The following TTI1 variants were observed in gnomAD, a reference collection of about 807,000 sequenced individuals.
The protein encoded by TTI1 is TELO2-interacting protein 1 homolog.
In TTI1, 52 loss-of-function variants were observed where a neutral mutation model predicts 85.4. That is an observed-to-expected ratio of 0.61 (90% CI 0.49 to 0.77). The LOEUF (loss-of-function observed/expected upper bound fraction) is 0.77, where lower values mean the gene tolerates loss of function less well. TTI1 is among the 30% of genes least tolerant of loss of function. TTI1 has a pLI of 0.00. For synonymous variants in TTI1, 512 were observed against 503.9 expected (o/e 1.02, Z -0.22); for missense variants, 1,173 against 1,296.0 (o/e 0.91, Z 1.46).
chr20:37,996,939 C>T lies in TTI1; in HGVS notation c.2808G>A (p.Leu936=), dbSNP rs746334013. 1 of 1,613,830 alleles carries T rather than the reference C, an allele frequency of 6.2e-7. No individual in the cohort carries two copies. Among genetic ancestry groups the T allele is most frequent in the East Asian group, 2.2e-5 (1 of 44,864 alleles). Residue 936 remains leucine, a synonymous_variant, in exon 6 of 8, where the codon CTG becomes CTA. Transcript: ENST00000373447. ...GAAGAAAGTCACCACACTTGCTTCCCAGGGTACGTAAAACCTGCAGAAACA... is the reference window on the plus strand; with the variant it reads ...GAAGAAAGTCACCACACTTGCTTCCTAGGGTACGTAAAACCTGCAGAAACA... The part of the protein sequence containing the change: ...VLRAFKVLRT[L]GSKCGDFLRS...
At chr20:37,984,163 TTGG>T (rs2073160161) in intron 7 of TTI1, among the ~76,000 whole-genome samples, 2 of 152,210 alleles carry the variant, frequency 1.3e-5, no homozygotes, top group African/African-American at 2.4e-5. Flanking sequence ...CCATGGATAC[TTGG>T]TGGTGTGAAC....
chr20:37,999,318 A>G lies in TTI1; in HGVS notation c.2663T>C (p.Val888Ala). ...AAGAACAACCACACACAGATCCAGCACATCCAAGACCTGAAAGAGACACGA... is the reference window on the plus strand; with the variant it reads ...AAGAACAACCACACACAGATCCAGCGCATCCAAGACCTGAAAGAGACACGA... ...NLQIRLKVLD[V>A]LDLCVVVLQS... Residue 888 changes from valine to alanine, a missense_variant, in exon 5 of 8, where the codon GTG becomes GCG. Val to Ala is a moderately conservative substitution (Grantham distance 64). Coordinates refer to ENST00000373447, the MANE Select transcript of TTI1 (RefSeq NM_001303457.2). The G allele has an allele frequency of 7.0e-7, 1 of 1,438,100 alleles. No homozygotes were observed. Among genetic ancestry groups the G allele is most frequent in the Non-Finnish European group, 9.2e-7 (1 of 1,087,724 alleles). The allele number at this position is 1,438,100 out of a possible 1,614,324, so 89.1% of individuals were successfully genotyped here. A position where few individuals can be genotyped will look rare whatever the true frequency, so the allele number is the denominator to read the frequency against.
At chr20:37,987,678 T>TAA (rs1302486942) in intron 7 of TTI1, among the ~76,000 whole-genome samples, 2 of 152,200 alleles carry the variant, frequency 1.3e-5, no homozygotes, top group Admixed American at 1.3e-4. Context: ...AACTTGACTT[T>TAA]AAAAAATTTA....
chr20:38,001,509 T>C (rs566011797), intron 4 of TTI1, among the ~76,000 whole-genome samples: 1 of 152,166 alleles, frequency 6.6e-6, no homozygotes, highest in Non-Finnish European at 1.5e-5. Flanking sequence ...GGCACCTACA[T>C]TAAAGCCGTG....
intron 1 of TTI1, among the ~76,000 whole-genome samples, chr20:38,014,409 A>C (rs1012135633): frequency 3.9e-5 from 6 of 152,086 alleles, no homozygotes; most frequent in African/African-American, 1.4e-4. Context: ...TTCCTATTTC[A>C]CCTGCCTGGA....
rs575595704 is a variant in TTI1, at chr20:38,018,104, T to C, written c.-41-4247A>G. On this transcript the variant is annotated intron_variant, in intron 1 of 7. Coordinates refer to ENST00000373447, the MANE Select transcript of TTI1 (RefSeq NM_001303457.2). ...TTTTTTAAGCATGTGTGGAGGTAAA[T>C]GCCCACAGCTAGTAATCAAGAGAAA... Among the ~76,000 whole-genome samples, 6 of 152,352 alleles carry C rather than the reference T, an allele frequency of 3.9e-5. No individual in the cohort carries two copies. The South Asian group carries it at 1.2e-3, about 32-fold the overall frequency.
At chr20:37,992,970 C>G (rs1409219179) in intron 7 of TTI1, among the ~76,000 whole-genome samples, 5 of 152,156 alleles carry the variant, frequency 3.3e-5, no homozygotes, top group Non-Finnish European at 7.4e-5. Flanking sequence ...GACCTGTTGT[C>G]TGTAATCCAA....
chr20:38,007,802 G>A, intron 2 of TTI1, among the ~76,000 whole-genome samples: 1 of 152,348 alleles, frequency 6.6e-6, no homozygotes, highest in Middle Eastern at 3.4e-3. Flanking sequence ...AATGTGTGAG[G>A]TGTGAGCCGG....
chr20:37,996,906 C>G lies in TTI1; in HGVS notation c.2841G>C (p.Arg947=), dbSNP rs1318093121. The change falls in exon 6 of 8, where the codon CGG becomes CGC. Residue 947 remains arginine, a synonymous_variant. Coordinates refer to ENST00000373447, the MANE Select transcript of TTI1 (RefSeq NM_001303457.2). ...GCTTTGGCAGGACATCTTTGCAGAA[C>G]CGGCTGCGAAGAAAGTCACCACACT... The part of the protein sequence containing the change: ...GSKCGDFLRS[R]FCKDVLPKLA... 4.3e-6 allele frequency: 7 copies of G among 1,614,132 alleles called. No individual in the cohort carries two copies. Among genetic ancestry groups the G allele is most frequent in the Non-Finnish European group, 5.9e-6 (7 of 1,180,034 alleles).
chr20:38,020,590 T>A (rs1377886540), intron 1 of TTI1, among the ~76,000 whole-genome samples: 1 of 151,698 alleles, frequency 6.6e-6, no homozygotes, highest in Non-Finnish European at 1.5e-5. Context: ...AGAAGATACT[T>A]GCTATATATC....
chr20:37,984,144 G>A (rs1200317400), intron 7 of TTI1, among the ~76,000 whole-genome samples: 1 of 152,170 alleles, frequency 6.6e-6, no homozygotes, highest in Non-Finnish European at 1.5e-5. Context: ...GACCCTTCCT[G>A]GCTGAGAGCC....
intron 1 of TTI1, among the ~76,000 whole-genome samples, chr20:38,027,017 T>C (rs1568632845): frequency 1.3e-5 from 2 of 152,312 alleles, no homozygotes; most frequent in South Asian, 2.1e-4. Context: ...CAAAGAGATA[T>C]ACTCAGAAAC....
intron 7 of TTI1, among the ~76,000 whole-genome samples, chr20:37,984,401 G>A (rs1201698417): frequency 2.0e-5 from 3 of 152,228 alleles, no homozygotes; most frequent in African/African-American, 4.8e-5. Context: ...CACAGCCACC[G>A]AGGGTGGTTT....
intron 1 of TTI1, among the ~76,000 whole-genome samples, chr20:38,025,284 A>G (rs557120897): frequency 2.0e-5 from 3 of 152,246 alleles, no homozygotes; most frequent in Admixed American, 6.5e-5. Context: ...AAAAAAGACA[A>G]TCGGTATGCC....
chr20:37,992,544 T>C lies in TTI1; in HGVS notation c.3086+3831A>G, dbSNP rs1384204757. Among the ~76,000 whole-genome samples, 3 of 152,212 alleles carry C rather than the reference T, an allele frequency of 2.0e-5. No individual in the cohort carries two copies. The East Asian group carries it at 5.8e-4, about 29-fold the overall frequency. On this transcript the variant is annotated intron_variant, in intron 7 of 7. Coordinates refer to ENST00000373447, the MANE Select transcript of TTI1 (RefSeq NM_001303457.2). ...CTCCCACCTCAGCTTCCCAAAGTGC[T>C]GGGATTACAAGCGTGAGCCACAGCA...
intron 1 of TTI1, among the ~76,000 whole-genome samples, chr20:38,024,281 T>TCA (rs1038861954): frequency 2.0e-5 from 3 of 151,986 alleles, no homozygotes; most frequent in Non-Finnish European, 2.9e-5. Context: ...AAAATTCTGT[T>TCA]CACACACACA....
intron 7 of TTI1, among the ~76,000 whole-genome samples, chr20:37,989,897 T>C (rs990607142): frequency 1.3e-5 from 2 of 152,266 alleles, no homozygotes; most frequent in South Asian, 2.1e-4. Flanking sequence ...TGCAAGGACG[T>C]TGAGGATATT....
chr20:38,006,529 TC>T, intron 2 of TTI1, 132 bp from the exon 3 acceptor site: 1 of 930,298 alleles, frequency 1.1e-6, no homozygotes, highest in Non-Finnish European at 1.6e-6. Context: ...CTCCCCGGCC[TC>T]CCAGTTGCCC....
At chr20:37,992,129 A>G (rs1226646776) in intron 7 of TTI1, among the ~76,000 whole-genome samples, 6 of 152,222 alleles carry the variant, frequency 3.9e-5, no homozygotes, top group Non-Finnish European at 8.8e-5. Flanking sequence ...CGTGGCCAGA[A>G]GGTACACCAG....
Sources: gnomAD v4.1 joint callset for allele counts (sites outside exome capture counted in the v4.1 genomes callset) on GRCh38, gnomAD v4.1.1 for gene constraint, MANE v1.5 for transcripts, NCBI Gene and HGNC (gene_info 2026-07-23, HGNC 2026-07-21) for gene names.